The following PTPRQ variants were observed in gnomAD, a reference collection of about 807,000 sequenced individuals.
PTPRQ encodes phosphatidylinositol phosphatase PTPRQ.
Under a neutral mutation model 246.0 loss-of-function variants are expected in PTPRQ, and 199 were observed. The observed-to-expected ratio is 0.81, with a 90% CI of 0.72 to 0.91. PTPRQ has a LOEUF of 0.91. PTPRQ is among the 40% of genes least tolerant of loss of function. PTPRQ has a pLI of 0.00. For missense variants in PTPRQ, 2,624 were observed against 2,528.4 expected (o/e 1.04, Z -0.81); for synonymous variants, 869 against 853.2 (o/e 1.02, Z -0.32).
chr12:80,462,006 G>T (rs1441021878), intron 6 of PTPRQ: 2 of 695,484 alleles, frequency 2.9e-6, no homozygotes, highest in Non-Finnish European at 2.6e-6. Context: ...GTGCCAGACA[G>T]TGGATGCAGG....
Position 80,575,422 on chromosome 12 carries a change from CA to C in PTPRQ, c.4286-12696del, listed in dbSNP as rs934160900. Among the ~76,000 whole-genome samples the C allele has an allele frequency of 2.9e-3, 424 of 144,838 alleles. 1 individual carries two copies. The highest frequency in any genetic ancestry group is 8.9e-3 in the African/African-American group (352 of 39,686). ...GCAATGTAGCGAGATCCCGTTAGTA[CA>C]AAAAAAAAAATTAGCCTAGAGTGGT... On this transcript the variant is annotated intron_variant, in intron 25 of 44. Coordinates refer to ENST00000644991, the MANE Select transcript of PTPRQ (RefSeq NM_001145026.2).
chr12:80,588,512 A>G (rs1468500964), intron 26 of PTPRQ, 60 bp downstream of exon 26: 1 of 1,374,302 alleles, frequency 7.3e-7, no homozygotes, highest in African/African-American at 1.5e-5. Context: ...CTGTCTATAT[A>G]TTATGCTTTA....
intron 25 of PTPRQ, among the ~76,000 whole-genome samples, chr12:80,552,045 C>T (rs1896489556): frequency 6.6e-6 from 1 of 152,104 alleles, no homozygotes; most frequent in South Asian, 2.1e-4. Flanking sequence ...TTCTGGACTT[C>T]ATCCCAGACT....
chr12:80,531,109 T>C (rs1354694503), intron 17 of PTPRQ, among the ~76,000 whole-genome samples: 1 of 152,010 alleles, frequency 6.6e-6, no homozygotes, highest in Non-Finnish European at 1.5e-5. Context: ...TATGAAAAGA[T>C]ACTTCTTTAA....
intron 25 of PTPRQ, among the ~76,000 whole-genome samples, chr12:80,551,122 C>A (rs924972725): frequency 6.6e-6 from 1 of 152,078 alleles, no homozygotes; most frequent in East Asian, 1.9e-4. Flanking sequence ...CTTTTTCTTG[C>A]ACATTCACCC....
intron 14 of PTPRQ, among the ~76,000 whole-genome samples, chr12:80,505,784 T>A (rs1894937537): frequency 1.3e-5 from 2 of 151,926 alleles, no homozygotes; most frequent in African/African-American, 4.8e-5. Flanking sequence ...AGTAAACGTA[T>A]CATCTTATAA....
chr12:80,467,080 A>T (rs571156981), intron 6 of PTPRQ, among the ~76,000 whole-genome samples: 103 of 152,354 alleles, frequency 6.8e-4, no homozygotes, highest in African/African-American at 2.5e-3. Flanking sequence ...AACCTTCAGA[A>T]TGGGAGAAAA....
At chr12:80,532,854 C>G (rs891433677) in intron 17 of PTPRQ, among the ~76,000 whole-genome samples, 1 of 152,098 alleles carries the variant, frequency 6.6e-6, no homozygotes, top group African/African-American at 2.4e-5. Flanking sequence ...TTTCAGAAAA[C>G]AAAACTTATA....
intron 38 of PTPRQ, among the ~76,000 whole-genome samples, chr12:80,653,504 GA>G (rs1296175428): frequency 6.6e-6 from 1 of 152,124 alleles, no homozygotes; most frequent in African/African-American, 2.4e-5. Context: ...TTTACACTAT[GA>G]AATTAAAAAG....
chr12:80,521,807 G>A (rs954296686), intron 17 of PTPRQ, among the ~76,000 whole-genome samples: 7 of 152,140 alleles, frequency 4.6e-5, no homozygotes, highest in African/African-American at 1.7e-4. Context: ...GATGCCTCCA[G>A]CTTCATTCTT....
intron 16 of PTPRQ, among the ~76,000 whole-genome samples, chr12:80,509,468 A>T (rs1228444604): frequency 6.6e-6 from 1 of 152,112 alleles, no homozygotes; most frequent in Non-Finnish European, 1.5e-5. Flanking sequence ...ACGAATTCAC[A>T]TTCCGTGCAT....
At chr12:80,588,048 A>G (rs1045566787) in intron 25 of PTPRQ, 81 bp from the exon 26 acceptor site, 6 of 1,390,384 alleles carry the variant, frequency 4.3e-6, no homozygotes, top group South Asian at 3.1e-5. Flanking sequence ...TAGCTCCTCC[A>G]TAATAGAATT....
chr12:80,535,161 A>G (rs1281308343), intron 19 of PTPRQ, 124 bp downstream of exon 19: 1 of 975,180 alleles, frequency 1.0e-6, no homozygotes, highest in African/African-American at 1.7e-5. Flanking sequence ...TGTATTTTAT[A>G]AAACTCCCAT....
At chr12:80,503,461 A>G (rs2120686149) in intron 14 of PTPRQ, among the ~76,000 whole-genome samples, 1 of 151,980 alleles carries the variant, frequency 6.6e-6, no homozygotes, top group African/African-American at 2.4e-5. Flanking sequence ...ATAACTGGTA[A>G]CAATCAAGGG....
At chr12:80,607,461 T>TCCTTCCTTCCTTCCTTCCTTCCTC (rs1555205013) in intron 27 of PTPRQ, among the ~76,000 whole-genome samples, 2 of 139,726 alleles carry the variant, frequency 1.4e-5, no homozygotes, top group African/African-American at 5.1e-5. Flanking sequence ...CTTCCTTCCT[T>TCCTTCCTTCCTTCCTTCCTTCCTC]CCTCCCTCCC....
rs760119330 is a variant in PTPRQ, at chr12:80,493,335, T to A, written c.1420T>A (p.Tyr474Asn). The A allele has an allele frequency of 6.5e-7, 1 of 1,549,674 alleles. No homozygotes were observed. The highest frequency in any genetic ancestry group is 1.2e-5 in the South Asian group (1 of 83,890). ...VNIVEPMVGLYEGSAEMSSDL... is the reference protein window; with the variant it reads ...VNIVEPMVGLNEGSAEMSSDL... The stretch of plus-strand genomic sequence containing the variant: ...CATAGTAGAGCCAATGGTAGGATTA[T>A]ATGAGGGTTCAGCAGAGATGTCGTC... Residue 474 changes from tyrosine (Y) to asparagine (N), a missense_variant, in exon 10 of 45, where the codon TAT (tyrosine) becomes AAT (asparagine). Tyr to Asn is a moderately radical substitution (Grantham distance 143). Transcript: ENST00000644991.
At chr12:80,569,960 A>G (rs1382121395) in intron 25 of PTPRQ, among the ~76,000 whole-genome samples, 2 of 151,978 alleles carry the variant, frequency 1.3e-5, no homozygotes, top group Non-Finnish European at 1.5e-5. Flanking sequence ...TATGTGCCAC[A>G]TTTTCTTTAT....
chr12:80,641,589 G>T (rs1899857106), intron 35 of PTPRQ, among the ~76,000 whole-genome samples: 1 of 152,182 alleles, frequency 6.6e-6, no homozygotes. Flanking sequence ...CCCATTGACA[G>T]AATTAAAATA....
Position 80,580,585 on chromosome 12 carries a change from G to T in PTPRQ, c.4286-7544G>T, listed in dbSNP as rs577816261. Among the ~76,000 whole-genome samples, 21 of 152,198 alleles carry T rather than the reference G, an allele frequency of 1.4e-4. 2 individuals carry two copies. The highest frequency in any genetic ancestry group is 3.9e-4 in the African/African-American group (16 of 41,514). ...GAGAAGATACTGGATATAAATGAGG[G>T]TTACTGCTGGTCACTTATGAATACT... On this transcript the variant is annotated intron_variant, in intron 25 of 44. Transcript: ENST00000644991.
Sources: gnomAD v4.1 joint callset for allele counts (sites outside exome capture counted in the v4.1 genomes callset) on GRCh38, gnomAD v4.1.1 for gene constraint, MANE v1.5 for transcripts, NCBI Gene and HGNC (gene_info 2026-07-23, HGNC 2026-07-21) for gene names.